The following GUCY1A2 variants were observed in gnomAD, a reference collection of about 807,000 sequenced individuals.
GUCY1A2 encodes the protein guanylate cyclase 1 soluble subunit alpha 2, also known as guanylate cyclase soluble subunit alpha-2.
A neutral mutation model predicts 63.5 loss-of-function variants in GUCY1A2; 27 were observed. The observed-to-expected ratio is 0.43, with a 90% confidence interval of 0.31 to 0.59. GUCY1A2 has a LOEUF of 0.59. Ranked by LOEUF, GUCY1A2 falls within the 20% of genes least tolerant of loss-of-function variation. The pLI, the probability that GUCY1A2 is intolerant of heterozygous loss-of-function variation, is 0.11. For synonymous variants in GUCY1A2, 364 were observed against 343.5 expected (o/e 1.06, Z -0.66); for missense variants, 768 against 913.3 (o/e 0.84, Z 2.05).
Position 106,816,179 on chromosome 11 carries a change from A to C in GUCY1A2, c.1207-5701T>G, listed in dbSNP as rs563054397. On this transcript the variant is annotated intron_variant, in intron 4 of 7. Coordinates refer to ENST00000526355, the MANE Select transcript of GUCY1A2 (RefSeq NM_000855.3). ...AATACTCTTTCTTTAAAAAAAAAAA[A>C]AAAAAAAAAACCCAAGGAGATCATG... Among the ~76,000 whole-genome samples, 12 of 151,140 alleles carry C rather than the reference A, an allele frequency of 7.9e-5. 1 individual carries two copies. In the South Asian group the frequency reaches 1.5e-3, roughly 18 times the overall value.
In GUCY1A2 at chr11:106,819,047, A is replaced by C. The variant is rs143415694; in HGVS notation, c.1207-8569T>G. ...CTCGGTGATGACTTGGAGAGCTTCA[A>C]GACTTCAGTTGAGGGTATCACTGCA... On this transcript the variant is annotated intron_variant, in intron 4 of 7. Transcript: ENST00000526355. 2.6e-5 allele frequency among the ~76,000 whole-genome samples: 4 copies of C among 152,302 alleles called. No individual in the cohort carries two copies. The East Asian group carries it at 7.7e-4, about 29-fold the overall frequency.
At chr11:106,862,650 T>C (rs1859529552) in intron 4 of GUCY1A2, among the ~76,000 whole-genome samples, 1 of 152,030 alleles carries the variant, frequency 6.6e-6, no homozygotes, top group Non-Finnish European at 1.5e-5. Flanking sequence ...AATACTATAC[T>C]GAACCGTTTT....
At chr11:106,961,470 A>G (rs554617433) in intron 3 of GUCY1A2, among the ~76,000 whole-genome samples, 1 of 152,344 alleles carries the variant, frequency 6.6e-6, no homozygotes, top group African/African-American at 2.4e-5. Context: ...ATTCCTAAGG[A>G]AAACAGAAGG....
chr11:106,740,118 C>A (rs1162558029), intron 6 of GUCY1A2, among the ~76,000 whole-genome samples: 2 of 151,832 alleles, frequency 1.3e-5, no homozygotes, highest in Non-Finnish European at 2.9e-5. Context: ...CCTGCCTCAG[C>A]CTCCCAAGTA....
intron 4 of GUCY1A2, among the ~76,000 whole-genome samples, chr11:106,913,527 C>T (rs569910517): frequency 7.9e-5 from 12 of 152,206 alleles, no homozygotes; most frequent in East Asian, 1.9e-4. Context: ...AAGGATCCAA[C>T]GCCAGGACCC....
intron 4 of GUCY1A2, 47 bp downstream of exon 4, chr11:106,939,413 A>T (rs1860721086): frequency 1.1e-6 from 1 of 912,094 alleles, no homozygotes; most frequent in Non-Finnish European, 1.7e-6. Flanking sequence ...TGAAATAATT[A>T]TCCACTCTTC....
At chr11:106,732,403 TA>T (rs1863520750) in intron 6 of GUCY1A2, among the ~76,000 whole-genome samples, 1 of 152,162 alleles carries the variant, frequency 6.6e-6, no homozygotes, top group African/African-American at 2.4e-5. Flanking sequence ...TTTATATTCA[TA>T]TTCTTCAATT....
chr11:107,016,346 G>A (rs1017700997), intron 1 of GUCY1A2, among the ~76,000 whole-genome samples: 1 of 152,238 alleles, frequency 6.6e-6, no homozygotes, highest in South Asian at 2.1e-4. Context: ...GTTTGACGCT[G>A]AATCTTTTTC....
At chr11:106,870,588 C>A (rs968235456) in intron 4 of GUCY1A2, among the ~76,000 whole-genome samples, 1 of 152,082 alleles carries the variant, frequency 6.6e-6, no homozygotes, top group East Asian at 1.9e-4. Context: ...GCTTGCTACA[C>A]ATCTAAAGTT....
intron 4 of GUCY1A2, among the ~76,000 whole-genome samples, chr11:106,820,134 G>C (rs185158284): frequency 2.0e-5 from 3 of 152,100 alleles, no homozygotes; most frequent in East Asian, 3.9e-4. Context: ...TGTGTGTTTT[G>C]ATTCTTAACA....
At chr11:106,695,223 A>T (rs1325908467) in intron 7 of GUCY1A2, among the ~76,000 whole-genome samples, 1 of 152,142 alleles carries the variant, frequency 6.6e-6, no homozygotes, top group Non-Finnish European at 1.5e-5. Context: ...TTTTGTTCCA[A>T]CAAAATGGAA....
At chr11:106,950,756 T>C (rs141306527) in intron 3 of GUCY1A2, among the ~76,000 whole-genome samples, 1 of 152,204 alleles carries the variant, frequency 6.6e-6, no homozygotes, top group Non-Finnish European at 1.5e-5. Context: ...CCAATGCCTC[T>C]TTAATGGTCA....
chr11:106,875,153 AT>A (rs1859732696), intron 4 of GUCY1A2, among the ~76,000 whole-genome samples: 1 of 152,178 alleles, frequency 6.6e-6, no homozygotes, highest in Admixed American at 6.6e-5. Flanking sequence ...TAATGCTACT[AT>A]AACAGTATCA....
At chr11:106,870,523 A>G (rs1263960761) in intron 4 of GUCY1A2, among the ~76,000 whole-genome samples, 1 of 152,082 alleles carries the variant, frequency 6.6e-6, no homozygotes, top group African/African-American at 2.4e-5. Flanking sequence ...ACAAGAAGTT[A>G]TTTTGTATGT....
Position 106,939,914 on chromosome 11 carries a change from A to G in GUCY1A2, c.752T>C (p.Leu251Pro). The change falls in exon 4 of 8, where the codon CTG (leucine) becomes CCG (proline). Residue 251 changes from leucine (L) to proline (P), a missense_variant. Coordinates refer to ENST00000526355, the MANE Select transcript of GUCY1A2 (RefSeq NM_000855.3). ...CTTTCCTGCAGCCTTAATCATCCCC[A>G]GCATTGCAAACCCCACAATATGGTG... is the stretch of plus-strand genomic sequence containing the variant. The part of the protein sequence containing the change: ...HPHHIVGFAM[L>P]GMIKAAGKKI... 1 of 1,614,114 alleles carries G rather than the reference A, an allele frequency of 6.2e-7. No homozygotes were observed. The highest frequency in any genetic ancestry group is 8.5e-7 in the Non-Finnish European group (1 of 1,179,974).
intron 3 of GUCY1A2, among the ~76,000 whole-genome samples, chr11:106,978,203 G>C (rs1433536808): frequency 6.6e-6 from 1 of 152,066 alleles, no homozygotes; most frequent in Non-Finnish European, 1.5e-5. Flanking sequence ...AAGGAACATT[G>C]GATTGTAGAG....
At chr11:106,851,315 T>C (rs759350381) in intron 4 of GUCY1A2, among the ~76,000 whole-genome samples, 9 of 151,998 alleles carry the variant, frequency 5.9e-5, no homozygotes, top group Non-Finnish European at 1.0e-4. Flanking sequence ...CTCATAACTG[T>C]TGATTCTTTC....
At chr11:106,890,498 T>C (rs1200800965) in intron 4 of GUCY1A2, among the ~76,000 whole-genome samples, 4 of 152,182 alleles carry the variant, frequency 2.6e-5, no homozygotes, top group Non-Finnish European at 4.4e-5. Flanking sequence ...AAATGGCCAT[T>C]GCTACATGCC....
intron 5 of GUCY1A2, among the ~76,000 whole-genome samples, chr11:106,780,320 CAT>C (rs1864435771): frequency 6.6e-6 from 1 of 152,150 alleles, no homozygotes; most frequent in Non-Finnish European, 1.5e-5. Flanking sequence ...AAATATCCAA[CAT>C]ACAGAAACCT....
Sources: allele counts gnomAD v4.1 joint callset (sites outside exome capture counted in the v4.1 genomes callset), GRCh38; gene constraint gnomAD v4.1.1; transcripts MANE v1.5; gene names NCBI Gene and HGNC (gene_info 2026-07-23, HGNC 2026-07-21).